Variants in RPN2 observed in about 807,000 individuals in gnomAD.
RPN2 encodes the protein dolichyl-diphosphooligosaccharide--protein glycosyltransferase subunit 2.
In RPN2, 29 loss-of-function variants were observed where a neutral mutation model predicts 71.4. That is an observed-to-expected ratio of 0.41 (90% CI 0.30 to 0.55). The LOEUF is 0.55. RPN2 is among the 20% of genes least tolerant of loss of function. The probability of loss-of-function intolerance (pLI) is 0.35; values close to 1 mark genes in which losing one functional copy is unlikely to be tolerated. For synonymous variants in RPN2, 308 were observed against 305.0 expected, an observed-to-expected ratio of 1.01 and a Z score of -0.10; for missense variants, 726 against 774.1, an observed-to-expected ratio of 0.94 and a Z score of 0.74.
At chr20:37,215,536 CT>C (rs994045370) in intron 9 of RPN2, among the ~76,000 whole-genome samples, 1 of 149,886 alleles carries the variant, frequency 6.7e-6, no homozygotes, top group Non-Finnish European at 1.5e-5. Context: ...TTTTTCTTTT[CT>C]TTTTTTTTCT....
At chr20:37,222,719 G>A (rs1406459016) in intron 9 of RPN2, among the ~76,000 whole-genome samples, 1 of 152,166 alleles carries the variant, frequency 6.6e-6, no homozygotes, top group Non-Finnish European at 1.5e-5. Context: ...ATATTTGGAA[G>A]GCTTACAGAT....
intron 2 of RPN2, among the ~76,000 whole-genome samples, chr20:37,197,961 A>G (rs1006113418): frequency 5.9e-5 from 9 of 152,212 alleles, no homozygotes; most frequent in Non-Finnish European, 1.2e-4. Context: ...ATGCCAGTAA[A>G]GTTGGAATCA....
chr20:37,188,197 G>T lies in RPN2; in HGVS notation c.207+3824G>T, dbSNP rs555565427. On this transcript the variant is annotated intron_variant, in intron 2 of 16. Transcript: ENST00000237530. ...GTTTGTTTTTGTTTTTGAGATGAAGGCTTACTCTGTTGCCAAGCTGGAGTG... is the reference window on the plus strand; with the variant it reads ...GTTTGTTTTTGTTTTTGAGATGAAGTCTTACTCTGTTGCCAAGCTGGAGTG... Among the ~76,000 whole-genome samples, 4 of 151,876 alleles carry T rather than the reference G, an allele frequency of 2.6e-5. No homozygotes were observed. In the East Asian group the frequency reaches 7.8e-4, roughly 30 times the overall value.
Position 37,203,956 on chromosome 20 carries a change from T to C in RPN2, c.551T>C (p.Ile184Thr), listed in dbSNP as rs1229736191. ...QADLRSIVEE[I>T]EDLVARLDEL... is the part of the protein sequence containing the mutation. The stretch of plus-strand genomic sequence containing the variant: ...GACCTGAGGAGCATCGTGGAGGAGA[T>C]TGAGGTGTGAATCTTTTGCCAAATG... Residue 184 changes from isoleucine to threonine, a missense_variant, in exon 5 of 17, where the codon ATT becomes ACT. Physicochemically the swap from Ile to Thr is moderately conservative, Grantham distance 89. Transcript: ENST00000237530. The C allele has an allele frequency of 1.4e-5, 23 of 1,612,564 alleles. No individual in the cohort carries two copies. Among genetic ancestry groups the C allele is most frequent in the Admixed American group, 3.3e-5 (2 of 60,014 alleles).
intron 1 of RPN2, among the ~76,000 whole-genome samples, chr20:37,181,541 C>A (rs1046660314): frequency 4.6e-5 from 7 of 151,650 alleles, no homozygotes; most frequent in Non-Finnish European, 1.0e-4. Context: ...GCTTCAGCCT[C>A]CCTAGTAGCT....
chr20:37,232,332 G>A lies in RPN2; in HGVS notation c.1618G>A (p.Val540Met), dbSNP rs771394466. ...CGAGCCTGAGAAGAGGCCCCCCACC[G>A]TGGTGTCCAATACATTCACTGCCCT... ...FREPEKRPPTVVSNTFTALIL... is the reference protein window; with the variant it reads ...FREPEKRPPTMVSNTFTALIL... Residue 540 changes from valine (V) to methionine (M), a missense_variant, in exon 14 of 17, where the codon GTG becomes ATG. Physicochemically the swap from Val to Met is conservative, Grantham distance 21. Transcript: ENST00000237530. The A allele has an allele frequency of 5.6e-6, 9 of 1,614,070 alleles. No individual in the cohort carries two copies. The highest frequency in any genetic ancestry group is 2.7e-5 in the African/African-American group (2 of 74,922).
At chr20:37,239,032 G>A (rs993289327) in intron 16 of RPN2, among the ~76,000 whole-genome samples, 1 of 152,214 alleles carries the variant, frequency 6.6e-6, no homozygotes, top group Admixed American at 6.5e-5. Flanking sequence ...TGTGAAGTGA[G>A]ATTCCACTCA....
rs376223839 is a variant in RPN2, at chr20:37,198,456, C to T, written c.267C>T (p.Tyr89=). The change falls in exon 3 of 17, where the codon TAC becomes TAT. Residue 89 remains tyrosine (Y), a synonymous_variant. Transcript: ENST00000237530. ...CCAGCAATGTGGATTCCCTCTTCTA[C>T]GCTGCCCAGGCCAGCCAGGCCCTCT... ...LDPSNVDSLF[Y]AAQASQALSG... 18 of 1,614,106 alleles carry T rather than the reference C, an allele frequency of 1.1e-5. No individual in the cohort carries two copies. Among genetic ancestry groups the T allele is most frequent in the African/African-American group, 6.7e-5 (5 of 74,922 alleles).
intron 1 of RPN2, 182 bp downstream of exon 1, chr20:37,179,551 C>G (rs1394428235): frequency 3.6e-6 from 5 of 1,380,274 alleles, no homozygotes; most frequent in Non-Finnish European, 4.7e-6. Flanking sequence ...GTGGGAGTGC[C>G]CGCGACCTGG....
intron 5 of RPN2, 114 bp from the exon 6 acceptor site, chr20:37,204,653 C>T: frequency 8.7e-7 from 1 of 1,147,160 alleles, no homozygotes; most frequent in Admixed American, 1.7e-5. Flanking sequence ...AGATGGTCTT[C>T]AGATTTAGAG....
intron 2 of RPN2, among the ~76,000 whole-genome samples, chr20:37,190,210 T>C (rs538839283): frequency 3.3e-5 from 5 of 152,176 alleles, no homozygotes; most frequent in Non-Finnish European, 7.4e-5. Flanking sequence ...CTATAGGAGA[T>C]TTAGGTTGAA....
intron 9 of RPN2, among the ~76,000 whole-genome samples, chr20:37,217,777 G>C (rs2067850766): frequency 6.7e-6 from 1 of 150,016 alleles, no homozygotes; most frequent in Non-Finnish European, 1.5e-5. Context: ...ACCCAGGCTG[G>C]AGTGCAGTGG....
At chr20:37,225,196 C>T (rs767274095) in intron 10 of RPN2, among the ~76,000 whole-genome samples, 4 of 151,958 alleles carry the variant, frequency 2.6e-5, no homozygotes, top group Admixed American at 6.6e-5. Flanking sequence ...AAACAGTGTC[C>T]AGGAAAAAAA....
At chr20:37,197,287 T>G (rs1012247252) in intron 2 of RPN2, among the ~76,000 whole-genome samples, 4 of 152,196 alleles carry the variant, frequency 2.6e-5, no homozygotes, top group African/African-American at 9.6e-5. Flanking sequence ...AGCAACACGG[T>G]TACACTTGTA....
At chr20:37,195,240 C>T (rs1009770622) in intron 2 of RPN2, among the ~76,000 whole-genome samples, 3 of 152,286 alleles carry the variant, frequency 2.0e-5, no homozygotes, top group Non-Finnish European at 4.4e-5. Context: ...GCAGGCTGAG[C>T]ATGTTCTGGG....
intron 11 of RPN2, among the ~76,000 whole-genome samples, chr20:37,226,535 T>TATAA (rs1490552863): frequency 6.6e-6 from 1 of 152,158 alleles, no homozygotes; most frequent in East Asian, 1.9e-4. Context: ...TGTATGTATG[T>TATAA]ATAAATAAAT....
At chr20:37,211,004 A>G (rs865854193) in intron 8 of RPN2, among the ~76,000 whole-genome samples, 2 of 152,098 alleles carry the variant, frequency 1.3e-5, no homozygotes, top group Middle Eastern at 3.4e-3. Context: ...CCTGGGCAAC[A>G]TAGCAGGACC....
intron 2 of RPN2, among the ~76,000 whole-genome samples, chr20:37,198,146 G>A (rs2067293440): frequency 3.3e-5 from 5 of 152,266 alleles, no homozygotes; most frequent in South Asian, 4.1e-4. Context: ...CAGGTGATCC[G>A]GGAAGTGGTT....
At chr20:37,190,168 A>G (rs1172409570) in intron 2 of RPN2, among the ~76,000 whole-genome samples, 1 of 152,176 alleles carries the variant, frequency 6.6e-6, no homozygotes, top group Admixed American at 6.5e-5. Flanking sequence ...CATCCAGAGC[A>G]TGTCTTTTGA....
Sources: allele counts gnomAD v4.1 joint callset (sites outside exome capture counted in the v4.1 genomes callset), GRCh38; gene constraint gnomAD v4.1.1; transcripts MANE v1.5; gene names NCBI Gene and HGNC (gene_info 2026-07-23, HGNC 2026-07-21).